ROBO1: variants seen among roughly 807,000 people sequenced by gnomAD.
ROBO1 encodes the protein roundabout homolog 1.
Under a neutral mutation model 195.9 loss-of-function variants are expected in ROBO1, and 149 were observed. The observed-to-expected ratio is 0.76, with a 90% CI of 0.67 to 0.87. The LOEUF (loss-of-function observed/expected upper bound fraction) is 0.87. ROBO1 is among the 40% of genes least tolerant of loss of function. The probability of loss-of-function intolerance (pLI) is 0.00; values close to 1 mark genes in which losing one functional copy is unlikely to be tolerated. For synonymous variants in ROBO1, 816 were observed against 733.2 expected (o/e 1.11, Z -1.82); for missense variants, 1,933 against 2,068.3 (o/e 0.93, Z 1.27).
At chr3:79,748,079 G>A (rs889134296) in intron 1 of ROBO1, among the ~76,000 whole-genome samples, 3 of 151,884 alleles carry the variant, frequency 2.0e-5, no homozygotes, top group African/African-American at 7.3e-5. Flanking sequence ...TTAGATTAAA[G>A]TATATTGGTA....
At position 78,775,392 on chromosome 3, in the gene ROBO1, A is replaced by T. The variant is rs180686867; in HGVS notation, c.500-28492T>A. Among the ~76,000 whole-genome samples the T allele has an allele frequency of 9.5e-3, 1,444 of 152,166 alleles. 27 individuals are homozygous for T. The highest frequency in any genetic ancestry group is 0.033 in the African/African-American group (1,362 of 41,572). ...CATTCCTATTTATATAATACATTTTATTCTATTAAATATATTTCTAGTGTA... is the reference window on the plus strand; with the variant it reads ...CATTCCTATTTATATAATACATTTTTTTCTATTAAATATATTTCTAGTGTA... On this transcript the variant is annotated intron_variant, in intron 4 of 30. Transcript: ENST00000464233.
chr3:79,330,671 GA>G (rs34923136), intron 2 of ROBO1, among the ~76,000 whole-genome samples: 37,928 of 77,544 alleles, frequency 0.49, 7,388 homozygotes, highest in African/African-American at 0.68. Context: ...GGAACTTAGG[GA>G]AAAAAAAAAA....
At chr3:78,827,596 G>GT (rs2031739963) in intron 4 of ROBO1, among the ~76,000 whole-genome samples, 1 of 151,964 alleles carries the variant, frequency 6.6e-6, no homozygotes, top group Admixed American at 6.6e-5. Context: ...TCATGTGTGT[G>GT]TATCTATCTG....
intron 3 of ROBO1, among the ~76,000 whole-genome samples, chr3:78,978,576 C>G (rs1015373921): frequency 4.6e-5 from 7 of 151,992 alleles, no homozygotes; most frequent in African/African-American, 1.7e-4. Context: ...GAAACCGAGA[C>G]TCAAAGAGGT....
At chr3:78,780,422 T>C (rs2083641083) in intron 4 of ROBO1, among the ~76,000 whole-genome samples, 1 of 152,038 alleles carries the variant, frequency 6.6e-6, no homozygotes, top group South Asian at 2.1e-4. Flanking sequence ...AGGTACAAGT[T>C]TGATTTTGCA....
At chr3:79,376,255 C>T (rs2036379112) in intron 2 of ROBO1, among the ~76,000 whole-genome samples, 2 of 152,178 alleles carry the variant, frequency 1.3e-5, no homozygotes, top group Non-Finnish European at 2.9e-5. Context: ...CATCTAGTTA[C>T]TAACGCAGGG....
chr3:78,923,577 C>T (rs1007509247), intron 4 of ROBO1, among the ~76,000 whole-genome samples: 1 of 151,892 alleles, frequency 6.6e-6, no homozygotes, highest in Admixed American at 6.6e-5. Context: ...ATTGAAATGC[C>T]GCTAAGGGAA....
At chr3:78,705,621 C>T (rs2081531926) in intron 8 of ROBO1, among the ~76,000 whole-genome samples, 1 of 152,146 alleles carries the variant, frequency 6.6e-6, no homozygotes, top group Admixed American at 6.5e-5. Context: ...AGACAATGGG[C>T]AACATGTATT....
chr3:79,530,754 ACCAC>A (rs1166395796), intron 2 of ROBO1, among the ~76,000 whole-genome samples: 12 of 89,102 alleles, frequency 1.3e-4, no homozygotes, highest in South Asian at 4.2e-4. Flanking sequence ...ACACCTTGTA[ACCAC>A]ACACACACAC....
At chr3:79,242,306 A>G (rs2082534382) in intron 2 of ROBO1, among the ~76,000 whole-genome samples, 1 of 151,920 alleles carries the variant, frequency 6.6e-6, no homozygotes, top group Non-Finnish European at 1.5e-5. Flanking sequence ...TTAACACACT[A>G]CTGTATCAGG....
intron 1 of ROBO1, among the ~76,000 whole-genome samples, chr3:79,684,172 G>A (rs555002015): frequency 1.3e-5 from 2 of 152,154 alleles, no homozygotes; most frequent in South Asian, 4.1e-4. Flanking sequence ...TCTTATTGTG[G>A]CTTTGATAAG....
chr3:79,472,886 A>G (rs906297862), intron 2 of ROBO1, among the ~76,000 whole-genome samples: 2 of 152,138 alleles, frequency 1.3e-5, no homozygotes, highest in Non-Finnish European at 2.9e-5. Flanking sequence ...GGGGTTAGAA[A>G]GTTCTTCTTG....
intron 4 of ROBO1, among the ~76,000 whole-genome samples, chr3:78,756,033 T>C (rs1252341013): frequency 3.3e-5 from 5 of 152,136 alleles, no homozygotes; most frequent in Non-Finnish European, 7.4e-5. Flanking sequence ...ATCATGTATT[T>C]TTTAACTGAA....
intron 2 of ROBO1, among the ~76,000 whole-genome samples, chr3:79,285,437 T>C (rs907873232): frequency 1.3e-5 from 2 of 152,194 alleles, no homozygotes; most frequent in Non-Finnish European, 2.9e-5. Flanking sequence ...CCCAGAATAC[T>C]AGTGTCTCAT....
chr3:79,361,156 G>T (rs4493394), intron 2 of ROBO1, among the ~76,000 whole-genome samples: 1 of 151,868 alleles, frequency 6.6e-6, no homozygotes, highest in South Asian at 2.1e-4. Flanking sequence ...ATAAATGATA[G>T]TTGTATGACC....
In ROBO1 at chr3:78,633,974, C is replaced by T; in HGVS notation, c.3442G>A (p.Gly1148Arg). 1.2e-6 allele frequency: 2 copies of T among 1,612,766 alleles called. No individual in the cohort carries two copies. The highest frequency in any genetic ancestry group is 1.7e-6 in the Non-Finnish European group (2 of 1,179,162). ...YNQSYDQNTGGSYNSSDRGSS... is the reference protein window; with the variant it reads ...YNQSYDQNTGRSYNSSDRGSS... ...CCCCGGTCTGAGCTGTTGTAGGATC[C>T]TCCTGTGTTCTGGTCGTATGATTGG... The change falls in exon 24 of 31, where the codon GGA becomes AGA. Residue 1148 changes from glycine (G) to arginine (R), a missense_variant. Coordinates refer to ENST00000464233, the MANE Select transcript of ROBO1 (RefSeq NM_002941.4).
At chr3:78,729,871 A>C (rs1481139981) in intron 5 of ROBO1, among the ~76,000 whole-genome samples, 1 of 152,224 alleles carries the variant, frequency 6.6e-6, no homozygotes, top group African/African-American at 2.4e-5. Context: ...TATTAAAGTT[A>C]ATGTATTATT....
intron 4 of ROBO1, among the ~76,000 whole-genome samples, chr3:78,922,176 A>G (rs142842504): frequency 2.2e-4 from 33 of 152,278 alleles, no homozygotes; most frequent in African/African-American, 7.5e-4. Flanking sequence ...AAGATAATAC[A>G]AATCAAAGGC....
rs576851957 is a variant in ROBO1 at position 79,698,051 on chromosome 3, C to A, written c.-51+69701G>T. On this transcript the variant is annotated intron_variant, in intron 1 of 30. Coordinates refer to ENST00000464233, the MANE Select transcript of ROBO1 (RefSeq NM_002941.4). ...TTTGATACTTTATTGCAGCATTAAG[C>A]ATTAAAAATTAGGAGCCACTTGAAT... 1.1e-4 allele frequency among the ~76,000 whole-genome samples: 17 copies of A among 151,428 alleles called. No individual in the cohort carries two copies. In the South Asian group the frequency reaches 3.3e-3, roughly 30 times the overall value.
Sources: gnomAD v4.1 joint callset for allele counts (sites outside exome capture counted in the v4.1 genomes callset) on GRCh38, gnomAD v4.1.1 for gene constraint, MANE v1.5 for transcripts, NCBI Gene and HGNC (gene_info 2026-07-23, HGNC 2026-07-21) for gene names.